HDAC1: variants seen among roughly 807,000 people sequenced by gnomAD.
HDAC1 encodes histone deacetylase 1.
In HDAC1, 18 loss-of-function variants were observed where a neutral mutation model predicts 65.5. The ratio of observed to expected loss-of-function variants is 0.27; its 90% CI spans 0.19 to 0.41. The LOEUF (loss-of-function observed/expected upper bound fraction) is 0.41. HDAC1 is among the 10% of genes least tolerant of loss of function. The pLI is 1.00. For missense variants in HDAC1, 373 were observed against 625.2 expected, an observed-to-expected ratio of 0.60 and a Z score of 4.30; for synonymous variants, 211 against 227.9, an observed-to-expected ratio of 0.93 and a Z score of 0.67.
rs1209044367 is a variant in HDAC1 at position 32,333,332 on chromosome 1, G to C, written c.*288G>C. The C allele has an allele frequency of 1.1e-5, 3 of 260,898 alleles. No individual in the cohort carries two copies. The highest frequency in any genetic ancestry group is 2.2e-5 in the Non-Finnish European group (3 of 138,364). The allele number at this position is 260,898 out of a possible 1,614,324, so 16.2% of individuals were successfully genotyped here. ...CAACCATAAGACAAACTCCTGAAAT[G>C]CCAAGTGCCTGCTTAGTAGCTTTGG... On this transcript the variant is annotated 3_prime_UTR_variant, in exon 14 of 14. Coordinates refer to ENST00000373548, the MANE Select transcript of HDAC1 (RefSeq NM_004964.3).
intron 2 of HDAC1, among the ~76,000 whole-genome samples, chr1:32,308,319 C>CA (rs1557603004): frequency 6.6e-6 from 1 of 151,464 alleles, no homozygotes; most frequent in Non-Finnish European, 1.5e-5. Context: ...AACTCCGTCT[C>CA]AAAAAAAAGA....
chr1:32,292,469 T>C (rs1293090791), intron 1 of HDAC1: 1 of 983,192 alleles, frequency 1.0e-6, no homozygotes, highest in Non-Finnish European at 1.2e-6. Flanking sequence ...TGAGGAAGTC[T>C]GATGTGGAGA....
At chr1:32,324,603 A>G in intron 4 of HDAC1, 50 bp downstream of exon 4, 1 of 1,252,074 alleles carries the variant, frequency 8.0e-7, no homozygotes, top group Non-Finnish European at 1.2e-6. Flanking sequence ...TGTTCTAGTG[A>G]GGTCTGCCTT....
chr1:32,325,365 G>A (rs566867089), intron 4 of HDAC1, among the ~76,000 whole-genome samples: 5 of 152,004 alleles, frequency 3.3e-5, no homozygotes, highest in South Asian at 2.1e-4. Flanking sequence ...GTCCATCCCC[G>A]CTGCCCCACC....
chr1:32,297,489 G>A (rs961073602), intron 1 of HDAC1, among the ~76,000 whole-genome samples: 11 of 152,114 alleles, frequency 7.2e-5, no homozygotes, highest in Admixed American at 5.2e-4. Flanking sequence ...TTGAGCCCAG[G>A]TGGAGCCTGC....
At chr1:32,299,715 C>T (rs543190075) in intron 1 of HDAC1, among the ~76,000 whole-genome samples, 1 of 152,124 alleles carries the variant, frequency 6.6e-6, no homozygotes, top group African/African-American at 2.4e-5. Context: ...ATCAGGTAGA[C>T]TTATAGAGCC....
chr1:32,320,396 C>G (rs1641124342), intron 3 of HDAC1, among the ~76,000 whole-genome samples: 1 of 152,008 alleles, frequency 6.6e-6, no homozygotes, highest in African/African-American at 2.4e-5. Context: ...TAATATTTAG[C>G]AAGTGAAAAT....
chr1:32,309,635 T>C (rs980439636), intron 2 of HDAC1, among the ~76,000 whole-genome samples: 15 of 138,920 alleles, frequency 1.1e-4, no homozygotes, highest in African/African-American at 3.0e-4. Context: ...TGCAGTGAGC[T>C]GAGGTCGTGC....
intron 1 of HDAC1, among the ~76,000 whole-genome samples, chr1:32,293,256 G>T (rs918889477): frequency 2.6e-5 from 4 of 151,494 alleles, no homozygotes; most frequent in Non-Finnish European, 5.9e-5. Flanking sequence ...GGGAGGCAGA[G>T]GTTGCAGTGA....
In HDAC1 at chr1:32,330,693, C is replaced by T; in HGVS notation, c.838+7C>T. On this transcript the variant is annotated splice_region_variant and intron_variant, in intron 8 of 13. Coordinates refer to ENST00000373548, the MANE Select transcript of HDAC1 (RefSeq NM_004964.3). The surrounding 1 kb of genome is among the most constrained non-coding windows in gnomAD (Gnocchi z 4.2). Reference sequence around the variant, plus strand: ...TTCAATCTAACTATCAAAGGTGAGACCAGGTAGCACAAGGATGGGTGGGCG... The same window carrying T: ...TTCAATCTAACTATCAAAGGTGAGATCAGGTAGCACAAGGATGGGTGGGCG... 5 of 1,613,222 alleles carry T rather than the reference C, an allele frequency of 3.1e-6. No homozygotes were observed. Among genetic ancestry groups the T allele is most frequent in the Non-Finnish European group, 4.2e-6 (5 of 1,179,230 alleles).
chr1:32,333,096 A>C lies in HDAC1; in HGVS notation c.*52A>C. Reference sequence around the variant, plus strand: ...GCTGAGTCCCTCACGTTTCTTCCCCAACCCCTCAGATTTTATATTTTCTAT... The same window carrying C: ...GCTGAGTCCCTCACGTTTCTTCCCCCACCCCTCAGATTTTATATTTTCTAT... On this transcript the variant is annotated 3_prime_UTR_variant, in exon 14 of 14. Coordinates refer to ENST00000373548, the MANE Select transcript of HDAC1 (RefSeq NM_004964.3). The C allele has an allele frequency of 7.1e-7, 1 of 1,407,416 alleles. No individual in the cohort carries two copies. The highest frequency in any genetic ancestry group is 1.0e-6 in the Non-Finnish European group (1 of 998,700). The allele number at this position is 1,407,416 out of a possible 1,614,324, so 87.2% of individuals were successfully genotyped here.
intron 1 of HDAC1, among the ~76,000 whole-genome samples, chr1:32,301,363 G>A (rs1234088515): frequency 6.6e-6 from 1 of 151,678 alleles, no homozygotes; most frequent in South Asian, 2.1e-4. Context: ...GGAGAATGGC[G>A]TGAACCCTGG....
chr1:32,293,901 CA>C (rs566733201), intron 1 of HDAC1, among the ~76,000 whole-genome samples: 1,786 of 116,802 alleles, frequency 0.015, 23 homozygotes, highest in African/African-American at 0.042. Flanking sequence ...GACTCCATCT[CA>C]AAAAAAAAAA....
intron 1 of HDAC1, among the ~76,000 whole-genome samples, chr1:32,298,250 G>A (rs865801746): frequency 2.0e-5 from 3 of 151,632 alleles, no homozygotes; most frequent in African/African-American, 7.3e-5. Context: ...CACCACGCCC[G>A]GCTAATTTTG....
chr1:32,316,588 A>C, intron 2 of HDAC1, 77 bp from the exon 3 acceptor site: 1 of 810,402 alleles, frequency 1.2e-6, no homozygotes, highest in South Asian at 1.4e-5. Flanking sequence ...TGCGCAGGAA[A>C]TATAAATATT....
intron 1 of HDAC1, among the ~76,000 whole-genome samples, chr1:32,300,898 C>T (rs1217788928): frequency 6.6e-6 from 1 of 152,148 alleles, no homozygotes; most frequent in Non-Finnish European, 1.5e-5. Flanking sequence ...AACTGCTCAG[C>T]TCTGCCACTG....
chr1:32,309,061 C>G (rs907638511), intron 2 of HDAC1, among the ~76,000 whole-genome samples: 2 of 152,164 alleles, frequency 1.3e-5, no homozygotes, highest in African/African-American at 2.4e-5. Context: ...GTCTGCCCCC[C>G]TTAGCCTCCC....
At position 32,317,691 on chromosome 1, in the gene HDAC1, G is replaced by A. The variant is rs114065078; in HGVS notation, c.280+909G>A. 7.5e-4 allele frequency among the ~76,000 whole-genome samples: 114 copies of A among 152,088 alleles called. 1 individual carries two copies. Among genetic ancestry groups the A allele is most frequent in the African/African-American group, 2.6e-3 (108 of 41,500 alleles). The stretch of plus-strand genomic sequence containing the variant: ...TGAAGCATTAAGCTTCTTTGCTACC[G>A]ACAACTCCAGGAGCTGCCAGCTGCT... On this transcript the variant is annotated intron_variant, in intron 3 of 13. Coordinates refer to ENST00000373548, the MANE Select transcript of HDAC1 (RefSeq NM_004964.3).
rs149903418 is a variant in HDAC1, at chr1:32,330,554, G to A, written c.730-24G>A. The stretch of plus-strand genomic sequence containing the variant: ...CTCGTATTGCTTTCTTGAGGTTGGT[G>A]GTGACCAGGATGTATCATTTTAGGT... On this transcript the variant is annotated intron_variant, in intron 7 of 13. Coordinates refer to ENST00000373548, the MANE Select transcript of HDAC1 (RefSeq NM_004964.3). This position sits in a 1 kb window ranked among gnomAD's most constrained non-coding sequence, Gnocchi z 4.2. 3.4e-5 allele frequency: 52 copies of A among 1,528,078 alleles called. No individual in the cohort carries two copies. In the Middle Eastern group the frequency reaches 1.0e-3, roughly 31 times the overall value. The allele number at this position is 1,528,078 out of a possible 1,614,324, so 94.7% of individuals were successfully genotyped here. A position where few individuals can be genotyped will look rare whatever the true frequency, so the allele number is the denominator to read the frequency against.
Sources: allele counts gnomAD v4.1 joint callset (sites outside exome capture counted in the v4.1 genomes callset), GRCh38; gene constraint gnomAD v4.1.1; non-coding constraint Gnocchi (gnomAD v3.1); transcripts MANE v1.5; gene names NCBI Gene and HGNC (gene_info 2026-07-23, HGNC 2026-07-21).